The following TBC1D1 variants were observed in gnomAD, a reference collection of about 807,000 sequenced individuals.
The protein encoded by TBC1D1 is TBC1 (tre-2/USP6, BUB2, cdc16) domain family, member 1.
Under a neutral mutation model 125.6 loss-of-function variants are expected in TBC1D1, and 89 were observed. That is an observed-to-expected ratio of 0.71 (90% CI 0.60 to 0.85). TBC1D1 has a LOEUF of 0.85. Among genes scored for constraint, TBC1D1 ranks in the 40% least tolerant of loss-of-function variants. The pLI is 0.00. For missense variants in TBC1D1, 1,377 were observed against 1,469.2 expected, an observed-to-expected ratio of 0.94 and a Z score of 1.03; for synonymous variants, 565 against 564.1, an observed-to-expected ratio of 1.00 and a Z score of -0.02.
intron 2 of TBC1D1, among the ~76,000 whole-genome samples, chr4:37,980,222 A>C (rs1412545184): frequency 1.3e-5 from 2 of 152,232 alleles, no homozygotes; most frequent in East Asian, 3.8e-4. Context: ...GAAGAAAGAA[A>C]AACATAAGAT....
At chr4:37,905,184 T>C (rs974497662) in intron 2 of TBC1D1, among the ~76,000 whole-genome samples, 4 of 152,222 alleles carry the variant, frequency 2.6e-5, no homozygotes, top group Non-Finnish European at 4.4e-5. Flanking sequence ...TATTGTATGT[T>C]CCATAGAATA....
chr4:37,926,828 C>T (rs993385671), intron 2 of TBC1D1, among the ~76,000 whole-genome samples: 5 of 152,132 alleles, frequency 3.3e-5, no homozygotes, highest in African/African-American at 1.2e-4. Context: ...TGAAATATTA[C>T]TGTTATGGCC....
chr4:37,960,940 T>C (rs371413843), intron 2 of TBC1D1: 3 of 1,614,056 alleles, frequency 1.9e-6, no homozygotes, highest in African/African-American at 2.7e-5. Flanking sequence ...CCTGTGAAAA[T>C]GCCCTCTCCA....
chr4:38,081,616 CT>C (rs58193145), intron 12 of TBC1D1, among the ~76,000 whole-genome samples: 3,715 of 152,254 alleles, frequency 0.024, 113 homozygotes, highest in African/African-American at 0.068. Flanking sequence ...AATAGATTAT[CT>C]TTTTTAGAAC....
At chr4:38,034,581 T>G (rs1237144596) in intron 7 of TBC1D1, among the ~76,000 whole-genome samples, 2 of 152,208 alleles carry the variant, frequency 1.3e-5, no homozygotes, top group African/African-American at 4.8e-5. Context: ...GCTTCCTTAG[T>G]TAGCTGGGGA....
intron 16 of TBC1D1, 94 bp downstream of exon 18, chr4:38,116,048 G>A (rs1458631804): frequency 2.1e-6 from 3 of 1,409,852 alleles, no homozygotes; most frequent in East Asian, 2.3e-5. Flanking sequence ...TTCACCGTCA[G>A]GTAACATTGT....
At chr4:38,062,891 G>T (rs953309310) in intron 12 of TBC1D1, among the ~76,000 whole-genome samples, 5 of 152,110 alleles carry the variant, frequency 3.3e-5, no homozygotes, top group Non-Finnish European at 1.5e-5. Context: ...AGGGGAAGAG[G>T]GCTGAGGGCT....
At chr4:37,970,440 C>T (rs112240998) in intron 2 of TBC1D1, among the ~76,000 whole-genome samples, 11 of 152,220 alleles carry the variant, frequency 7.2e-5, no homozygotes, top group Non-Finnish European at 1.5e-4. Flanking sequence ...TTCCAGAGAA[C>T]GTTAATCTTC....
chr4:37,955,316 T>C (rs964463356), intron 2 of TBC1D1, among the ~76,000 whole-genome samples: 2 of 152,188 alleles, frequency 1.3e-5, no homozygotes, highest in African/African-American at 4.8e-5. Context: ...TACCTCTCTA[T>C]GTGTATACAG....
chr4:38,100,659 A>G (rs1189969312), intron 14 of TBC1D1, among the ~76,000 whole-genome samples: 3 of 152,190 alleles, frequency 2.0e-5, no homozygotes, highest in African/African-American at 4.8e-5. Context: ...TACAGAAGGT[A>G]TAGGATGTGG....
chr4:38,012,701 G>A (rs535036094), intron 2 of TBC1D1, among the ~76,000 whole-genome samples: 19 of 152,234 alleles, frequency 1.2e-4, no homozygotes, highest in African/African-American at 4.6e-4. Flanking sequence ...CAGTTTTTAG[G>A]CCTCTGTATG....
chr4:38,110,166 G>A (rs1264693601), intron 15 of TBC1D1: 4 of 982,906 alleles, frequency 4.1e-6, no homozygotes, highest in South Asian at 9.4e-5. Context: ...CAGGAGTCTC[G>A]CTGAAAATGC....
chr4:38,133,125 A>C lies in TBC1D1; in HGVS notation c.3174A>C (p.Glu1058Asp), dbSNP rs748093660. Residue 1058 changes from glutamate to aspartate, a missense_variant, in exon 19 of 20, where the codon GAA becomes GAC. Coordinates refer to ENST00000261439, the MANE Select transcript of TBC1D1 (RefSeq NM_015173.4). ...TCGCTAAACAGTTACAAGCTTATGA[A>C]GTTGAGTACCACGTCCTTCAAGAAG... 2 of 1,614,144 alleles carry C rather than the reference A, an allele frequency of 1.2e-6. No individual in the cohort carries two copies. The highest frequency in any genetic ancestry group is 8.5e-7 in the Non-Finnish European group (1 of 1,180,014).
intron 2 of TBC1D1, among the ~76,000 whole-genome samples, chr4:37,912,545 G>T (rs569869971): frequency 1.4e-4 from 21 of 152,326 alleles, no homozygotes; most frequent in African/African-American, 2.4e-5. Context: ...GAAAGTTGCT[G>T]CTGTGGTCTG....
intron 18 of TBC1D1, among the ~76,000 whole-genome samples, chr4:38,128,417 A>G (rs1371155438): frequency 6.6e-6 from 1 of 152,172 alleles, no homozygotes; most frequent in Non-Finnish European, 1.5e-5. Flanking sequence ...CTGCAGCCTT[A>G]GAGATCCCCC....
At position 37,928,671 on chromosome 4, in the gene TBC1D1, A is replaced by G. The variant is rs111442745; in HGVS notation, c.417+26159A>G. 1.8e-3 allele frequency among the ~76,000 whole-genome samples: 271 copies of G among 152,334 alleles called. 1 individual carries two copies. The highest frequency in any genetic ancestry group is 5.9e-3 in the African/African-American group (245 of 41,590). On this transcript the variant is annotated intron_variant, in intron 2 of 19. Coordinates refer to ENST00000261439, the MANE Select transcript of TBC1D1 (RefSeq NM_015173.4). ...TGTCTGCACAATAAACAGCCGACCC[A>G]TGCCAATTTTCTTCCAGGCGGTCTT...
At chr4:38,020,352 C>T (rs1257185333) in intron 4 of TBC1D1, among the ~76,000 whole-genome samples, 1 of 152,040 alleles carries the variant, frequency 6.6e-6, no homozygotes, top group Non-Finnish European at 1.5e-5. Flanking sequence ...GTGGTGCATG[C>T]CTGTAATCCC....
chr4:38,053,762 G>A (rs1751161892), intron 11 of TBC1D1, among the ~76,000 whole-genome samples: 1 of 152,240 alleles, frequency 6.6e-6, no homozygotes, highest in Non-Finnish European at 1.5e-5. Context: ...TAATTAAATT[G>A]CAAGTTTTTT....
At chr4:38,117,912 C>G in intron 16 of TBC1D1, 121 bp from the exon 19 acceptor site, 1 of 914,848 alleles carries the variant, frequency 1.1e-6, no homozygotes, top group South Asian at 1.6e-5. Context: ...GGATCGCAAG[C>G]CAAATCGAAT....
Sources: gnomAD v4.1 joint callset for allele counts (sites outside exome capture counted in the v4.1 genomes callset) on GRCh38, gnomAD v4.1.1 for gene constraint, MANE v1.5 for transcripts, NCBI Gene and HGNC (gene_info 2026-07-23, HGNC 2026-07-21) for gene names.